The following TRIM16 variants were observed in gnomAD, a reference collection of about 807,000 sequenced individuals.
TRIM16 encodes tripartite motif containing 16, also known as tripartite motif-containing protein 16.
A neutral mutation model predicts 50.4 loss-of-function variants in TRIM16; 33 were observed. That is an observed-to-expected ratio of 0.65 (90% confidence interval 0.50 to 0.88). The LOEUF is 0.88. Among genes scored for constraint, TRIM16 ranks in the 40% least tolerant of loss-of-function variants. The probability of loss-of-function intolerance (pLI) is 0.00; values close to 1 mark genes in which losing one functional copy is unlikely to be tolerated. For synonymous variants in TRIM16, 229 were observed against 270.7 expected, an observed-to-expected ratio of 0.85 and a Z score of 1.51; for missense variants, 581 against 686.8, an observed-to-expected ratio of 0.85 and a Z score of 1.72.
At chr17:15,642,896 T>A in intron 7 of TRIM16, 80 bp from the exon 8 acceptor site, 1 of 418,426 alleles carries the variant, frequency 2.4e-6, no homozygotes, top group South Asian at 2.4e-5. Flanking sequence ...AGCCCTGACA[T>A]CCCCGCCCTT....
chr17:15,667,773 G>A (rs1988561206), intron 6 of TRIM16, among the ~76,000 whole-genome samples: 1 of 151,974 alleles, frequency 6.6e-6, no homozygotes, highest in Admixed American at 6.5e-5. Flanking sequence ...TCTACCACAG[G>A]GGTACACAAC....
In TRIM16 at chr17:15,632,617, G is replaced by A. The variant is rs756533964; in HGVS notation, c.907C>T (p.Leu303=). The A allele has an allele frequency of 2.5e-6, 4 of 1,613,964 alleles. No homozygotes were observed. The Admixed American group carries it at 6.7e-5, about 27-fold the overall frequency. ...CGGATGCCCGAGAGTTTATCCTTCAGCCCTACGTAAACACTAGGGAAGGTG... is the reference window on the plus strand; with the variant it reads ...CGGATGCCCGAGAGTTTATCCTTCAACCCTACGTAAACACTAGGGAAGGTG... ...DITFPSVYVG[L]KDKLSGIRKV... The change falls in exon 10 of 12, where the codon CTG becomes TTG. Residue 303 remains leucine (L), a synonymous_variant. Transcript: ENST00000649191.
rs367659659 is a variant in TRIM16 at position 15,677,304 on chromosome 17, A to T, written c.-442-24T>A. 1.2e-5 allele frequency: 12 copies of T among 984,950 alleles called. No individual in the cohort carries two copies. In the East Asian group the frequency reaches 3.4e-4, roughly 28 times the overall value. The allele number at this position is 984,950 out of a possible 1,614,324, so 61.0% of individuals were successfully genotyped here. ...TACTGAAGAGATACAAACAGAATGT[A>T]ATTTTAAGTTCAAAAGAGAAAGGAC... On this transcript the variant is annotated intron_variant, in intron 5 of 11. Coordinates refer to ENST00000649191, the MANE Select transcript of TRIM16 (RefSeq NM_001348119.1).
At position 15,629,133 on chromosome 17, in the gene TRIM16, G is replaced by C. The variant is rs777577780; in HGVS notation, c.1177C>G (p.Arg393Gly). Reference protein sequence around the residue: ...HKYLRLQEENRKVTNTTPWEH... With the variant: ...HKYLRLQEENGKVTNTTPWEH... Reference sequence around the variant, plus strand: ...CAGGGCGTGGTGTTGGTGACCTTGCGGTTCTCCTCCTGCAGCCGGAGATAC... The same window carrying C: ...CAGGGCGTGGTGTTGGTGACCTTGCCGTTCTCCTCCTGCAGCCGGAGATAC... Residue 393 changes from arginine (R) to glycine (G), a missense_variant, in exon 12 of 12, where the codon CGC becomes GGC. Around this residue, in one of 3 missense-constraint regions of TRIM16, gnomAD observed 450 missense variants for 544.3 expected, o/e 0.83. Coordinates refer to ENST00000649191, the MANE Select transcript of TRIM16 (RefSeq NM_001348119.1). The C allele has an allele frequency of 6.2e-7, 1 of 1,613,074 alleles. No homozygotes were observed.
chr17:15,634,705 G>A (rs542580831), intron 9 of TRIM16, among the ~76,000 whole-genome samples: 5 of 147,382 alleles, frequency 3.4e-5, no homozygotes, highest in East Asian at 4.1e-4. Context: ...CCAGCTACTC[G>A]GGAGGCTGAG....
intron 6 of TRIM16, among the ~76,000 whole-genome samples, chr17:15,670,647 A>G (rs1362466481): frequency 2.0e-5 from 3 of 152,212 alleles, no homozygotes; most frequent in African/African-American, 7.2e-5. Context: ...TCTAAAATCT[A>G]TGAACAGGGA....
intron 6 of TRIM16, among the ~76,000 whole-genome samples, chr17:15,653,934 T>C (rs1261360198): frequency 6.6e-6 from 1 of 152,160 alleles, no homozygotes; most frequent in East Asian, 1.9e-4. Context: ...CAGTTTTCCC[T>C]GGGATTATTT....
At position 15,651,759 on chromosome 17, in the gene TRIM16, C is replaced by T. The variant is rs1335180829; in HGVS notation, c.-150G>A. ...CCCTCCCAGAGGAAGCTCGGCCACT[C>T]ATTACTGTGTGCTGGCGCTGGATGG... On this transcript the variant is annotated 5_prime_UTR_variant, in exon 7 of 12. It removes an upstream start codon present in the reference 5' UTR. Transcript: ENST00000649191. The T allele has an allele frequency of 1.3e-6, 2 of 1,503,676 alleles. No homozygotes were observed. The highest frequency in any genetic ancestry group is 1.4e-5 in the African/African-American group (1 of 72,284). 93.1% of individuals were successfully genotyped at this position (1,503,676 alleles called of 1,614,324 possible).
At position 15,683,109 on chromosome 17, in the gene TRIM16, T is replaced by C. The variant is rs538027338; in HGVS notation, c.-850A>G. 362 of 1,550,584 alleles carry C rather than the reference T, an allele frequency of 2.3e-4. 3 individuals are homozygous for C. In the African/African-American group the frequency reaches 4.2e-3, roughly 18 times the overall value. On this transcript the variant is annotated 5_prime_UTR_variant, in exon 2 of 12. Coordinates refer to ENST00000649191, the MANE Select transcript of TRIM16 (RefSeq NM_001348119.1). ...CTTCACTATTTGGGTGTAGCAACCT[T>C]TCCGTTCTCCACGTATCTTCCTGGA... is the stretch of plus-strand genomic sequence containing the variant.
At position 15,651,282 on chromosome 17, in the gene TRIM16, C is replaced by T; in HGVS notation, c.328G>A (p.Val110Met). The change falls in exon 7 of 12, where the codon GTG becomes ATG. Residue 110 changes from valine (V) to methionine (M), a missense_variant. Physicochemically the swap from Val to Met is conservative, Grantham distance 21. Coordinates refer to ENST00000649191, the MANE Select transcript of TRIM16 (RefSeq NM_001348119.1). Reference protein sequence around the residue: ...YCEEHLQPHQVNIKLQSHLLT... With the variant: ...YCEEHLQPHQMNIKLQSHLLT... ...AGGTGGCTTTGCAGTTTGATGTTCA[C>T]CTGATGCGGCTGCAAGTGCTCTTCA... is the stretch of plus-strand genomic sequence containing the variant. The T allele has an allele frequency of 2.5e-6, 4 of 1,614,260 alleles. No individual in the cohort carries two copies. The highest frequency in any genetic ancestry group is 2.2e-5 in the East Asian group (1 of 44,888).
rs1988989543 is a variant in TRIM16, at chr17:15,677,244, T to C, written c.-406A>G. The C allele has an allele frequency of 2.0e-6, 2 of 985,310 alleles. No homozygotes were observed. Among genetic ancestry groups the C allele is most frequent in the South Asian group, 4.7e-5 (1 of 21,292 alleles). 61.0% of individuals were successfully genotyped at this position (985,310 alleles called of 1,614,324 possible). Reference sequence around the variant, plus strand: ...TCGTGGGCTTACCACTTCTTCCAACTAGGAGATGATACCAGGTTTGGAAAA... The same window carrying C: ...TCGTGGGCTTACCACTTCTTCCAACCAGGAGATGATACCAGGTTTGGAAAA... On this transcript the variant is annotated 5_prime_UTR_variant, in exon 6 of 12. An upstream open reading frame in the 5' UTR loses its in-frame stop. Transcript: ENST00000649191.
At position 15,651,247 on chromosome 17, in the gene TRIM16, C is replaced by T. The variant is rs2074890; in HGVS notation, c.363G>A (p.Glu121=). 1.2e-6 allele frequency: 2 copies of T among 1,614,174 alleles called. No individual in the cohort carries two copies. Among genetic ancestry groups the T allele is most frequent in the Admixed American group, 3.3e-5 (2 of 60,028 alleles). The change falls in exon 7 of 12, where the codon GAG becomes GAA. Residue 121 remains glutamate, a synonymous_variant. Coordinates refer to ENST00000649191, the MANE Select transcript of TRIM16 (RefSeq NM_001348119.1). Reference sequence around the variant, plus strand: ...ATCGCCAGTTGTGGTCCTTCACTGGCTCGGTCAGCAGGTGGCTTTGCAGTT... The same window carrying T: ...ATCGCCAGTTGTGGTCCTTCACTGGTTCGGTCAGCAGGTGGCTTTGCAGTT... The part of the protein sequence containing the change: ...NIKLQSHLLT[E]PVKDHNWRYC...
At chr17:15,634,618 T>G (rs1370149860) in intron 9 of TRIM16, among the ~76,000 whole-genome samples, 2 of 87,070 alleles carry the variant, frequency 2.3e-5, no homozygotes, top group African/African-American at 4.8e-5. Flanking sequence ...GCAACAAGAG[T>G]GAAACTCAGT....
At position 15,628,710 on chromosome 17, in the gene TRIM16, AG is replaced by A; in HGVS notation, c.1599del (p.Phe534SerfsTer13). 2 of 1,614,186 alleles carry A rather than the reference AG, an allele frequency of 1.2e-6. No individual in the cohort carries two copies. The highest frequency in any genetic ancestry group is 1.7e-6 in the Non-Finnish European group (2 of 1,180,026). On this transcript the variant is annotated frameshift_variant, in exon 12 of 12. Transcript: ENST00000649191. LOFTEE classifies it high-confidence loss of function. Reference protein sequence around the residue: ...ACKFSEPVYAAFWLSKKENAI... With the variant: ...ACKFSEPVYAXFWLSKKENAI... ...GCGTTTTCCTTCTTGGAAAGCCAGAAGGCAGCATAGACTGGTTCTGAAAATT... is the reference window on the plus strand; with the variant it reads ...GCGTTTTCCTTCTTGGAAAGCCAGAAGCAGCATAGACTGGTTCTGAAAATT...
chr17:15,657,096 C>G (rs1229557809), intron 6 of TRIM16, among the ~76,000 whole-genome samples: 1 of 152,106 alleles, frequency 6.6e-6, no homozygotes, highest in Admixed American at 6.5e-5. Flanking sequence ...CCTATGGTCA[C>G]CACCCACATC....
intron 6 of TRIM16, among the ~76,000 whole-genome samples, chr17:15,659,870 C>G (rs563803496): frequency 6.6e-6 from 1 of 152,168 alleles, no homozygotes; most frequent in Non-Finnish European, 1.5e-5. Context: ...TCCAGGGAGC[C>G]GCACTCACCT....
At chr17:15,636,858 A>C (rs1986774941) in intron 8 of TRIM16, among the ~76,000 whole-genome samples, 1 of 149,364 alleles carries the variant, frequency 6.7e-6, no homozygotes, top group African/African-American at 2.5e-5. Flanking sequence ...CATTCAAATA[A>C]AATATAAAAG....
intron 7 of TRIM16, among the ~76,000 whole-genome samples, chr17:15,650,889 G>C (rs551395466): frequency 6.6e-6 from 1 of 152,150 alleles, no homozygotes; most frequent in African/African-American, 2.4e-5. Context: ...AGATGGGGAC[G>C]GAGCAACCTA....
At chr17:15,667,455 A>G (rs1344799237) in intron 6 of TRIM16, among the ~76,000 whole-genome samples, 1 of 152,234 alleles carries the variant, frequency 6.6e-6, no homozygotes. Context: ...TAACATTCTA[A>G]GTAACAAAAT....
Sources: gnomAD v4.1 joint callset for allele counts (sites outside exome capture counted in the v4.1 genomes callset) on GRCh38, gnomAD v4.1.1 for gene constraint, gnomAD v4.1.1 regional missense constraint, MANE v1.5 for transcripts, NCBI Gene and HGNC (gene_info 2026-07-23, HGNC 2026-07-21) for gene names.